EPHA6: variants seen among roughly 807,000 people sequenced by gnomAD.
EPHA6 encodes the protein ephrin type-A receptor 6.
EPHA6 carries 50 observed loss-of-function variants against 112.0 expected under a neutral mutation model. The ratio of observed to expected loss-of-function variants is 0.45; its 90% confidence interval spans 0.36 to 0.56. EPHA6 has a LOEUF of 0.56. EPHA6 is among the 20% of genes least tolerant of loss of function. The pLI, the probability that EPHA6 is intolerant of heterozygous loss-of-function variation, is 0.00. For synonymous variants in EPHA6, 529 were observed against 490.7 expected (o/e 1.08, Z -1.03); for missense variants, 1,280 against 1,417.4 (o/e 0.90, Z 1.56).
At chr3:96,840,996 A>G (rs2034710879) in intron 1 of EPHA6, among the ~76,000 whole-genome samples, 1 of 152,032 alleles carries the variant, frequency 6.6e-6, no homozygotes, top group African/African-American at 2.4e-5. Context: ...AATTTTGCCA[A>G]GGTTGAGGAC....
chr3:97,494,083 G>A (rs1347306121), intron 10 of EPHA6, among the ~76,000 whole-genome samples: 3 of 152,148 alleles, frequency 2.0e-5, no homozygotes, highest in Non-Finnish European at 4.4e-5. Context: ...CCTATTATGG[G>A]TTATCTTTGT....
chr3:96,879,255 T>G (rs895008018), intron 2 of EPHA6, among the ~76,000 whole-genome samples: 1 of 152,100 alleles, frequency 6.6e-6, no homozygotes, highest in Non-Finnish European at 1.5e-5. Flanking sequence ...TTTATGAACA[T>G]AATGCTGGAT....
chr3:97,740,038 T>C (rs771195577), intron 16 of EPHA6, among the ~76,000 whole-genome samples: 2 of 152,008 alleles, frequency 1.3e-5, no homozygotes, highest in Admixed American at 1.3e-4. Flanking sequence ...AACACCTTTT[T>C]CTCCCTCTCC....
intron 3 of EPHA6, among the ~76,000 whole-genome samples, chr3:97,071,824 C>T (rs934651930): frequency 3.3e-5 from 5 of 151,944 alleles, no homozygotes; most frequent in African/African-American, 9.7e-5. Flanking sequence ...ACCGATCACC[C>T]GAGCTCTATA....
At position 96,983,358 on chromosome 3, in the gene EPHA6, T is replaced by G. The variant is rs2042887492; in HGVS notation, c.451-3972T>G. 1.3e-5 allele frequency among the ~76,000 whole-genome samples: 2 copies of G among 152,324 alleles called. 1 individual carries two copies. Among genetic ancestry groups the G allele is most frequent in the African/African-American group, 4.8e-5 (2 of 41,574 alleles). On this transcript the variant is annotated intron_variant, in intron 2 of 17. Transcript: ENST00000389672. ...AAATTCTGGGTTGTAAATTCTTTTC[T>G]TTTAGAATGTTGAATATTGGCCCCC...
intron 9 of EPHA6, among the ~76,000 whole-genome samples, chr3:97,479,934 A>ATCCACC (rs1034068328): frequency 2.0e-5 from 3 of 152,086 alleles, no homozygotes; most frequent in Non-Finnish European, 2.9e-5. Context: ...CCTCCTCAAC[A>ATCCACC]TCCACCTCCA....
intron 5 of EPHA6, among the ~76,000 whole-genome samples, chr3:97,347,572 A>G (rs2083595118): frequency 6.6e-6 from 1 of 152,088 alleles, no homozygotes; most frequent in Admixed American, 6.6e-5. Context: ...AAGTGACTCC[A>G]ATGAACATGA....
At position 97,197,297 on chromosome 3, in the gene EPHA6, G is replaced by A. The variant is rs552699451; in HGVS notation, c.1115-28967G>A. Reference sequence around the variant, plus strand: ...GTACTGGGTCACATCTGAAGTCAGCGTGGCCCTGGATCTCACCCAATGCCT... The same window carrying A: ...GTACTGGGTCACATCTGAAGTCAGCATGGCCCTGGATCTCACCCAATGCCT... On this transcript the variant is annotated intron_variant, in intron 3 of 17. Coordinates refer to ENST00000389672, the MANE Select transcript of EPHA6 (RefSeq NM_001080448.3). Among the ~76,000 whole-genome samples the A allele has an allele frequency of 2.0e-4, 30 of 152,012 alleles. No individual in the cohort carries two copies. In the South Asian group the frequency reaches 5.0e-3, roughly 25 times the overall value.
At chr3:97,567,343 T>G (rs909551056) in intron 11 of EPHA6, among the ~76,000 whole-genome samples, 2 of 152,142 alleles carry the variant, frequency 1.3e-5, no homozygotes, top group African/African-American at 4.8e-5. Context: ...GCCTGCCACA[T>G]TGCACAACTT....
chr3:97,287,120 T>G (rs571274002), intron 5 of EPHA6, among the ~76,000 whole-genome samples: 322 of 152,320 alleles, frequency 2.1e-3, no homozygotes, highest in Admixed American at 3.5e-3. Flanking sequence ...TGAATTTATT[T>G]ATCAGGTCTA....
intron 4 of EPHA6, among the ~76,000 whole-genome samples, chr3:97,228,788 G>A (rs1473090850): frequency 2.0e-5 from 3 of 152,040 alleles, no homozygotes; most frequent in Non-Finnish European, 2.9e-5. Context: ...GTTCTTTAAG[G>A]AATCTCCATA....
intron 2 of EPHA6, among the ~76,000 whole-genome samples, chr3:96,893,170 C>G (rs1005848214): frequency 3.6e-4 from 54 of 152,076 alleles, no homozygotes; most frequent in African/African-American, 1.3e-3. Flanking sequence ...ACCTACTGCG[C>G]TGCTAGTCAT....
intron 11 of EPHA6, 115 bp from the exon 12 acceptor site, chr3:97,592,497 T>C (rs1390871540): frequency 1.6e-6 from 2 of 1,252,974 alleles, no homozygotes; most frequent in Non-Finnish European, 2.2e-6. Context: ...TTTAATTTTA[T>C]AACTTCTTCG....
Position 96,957,123 on chromosome 3 carries a change from G to A in EPHA6, c.451-30207G>A, listed in dbSNP as rs190756443. Among the ~76,000 whole-genome samples, 62 of 151,924 alleles carry A rather than the reference G, an allele frequency of 4.1e-4. No homozygotes were observed. In the Middle Eastern group the frequency reaches 0.017, roughly 42 times the overall value. On this transcript the variant is annotated intron_variant, in intron 2 of 17. Coordinates refer to ENST00000389672, the MANE Select transcript of EPHA6 (RefSeq NM_001080448.3). ...TTACAGACTTAACTGAAAGTATATT[G>A]AACAAAGCAGGAATGTGCTGAGTGA...
At chr3:96,917,517 A>G (rs1347899972) in intron 2 of EPHA6, among the ~76,000 whole-genome samples, 1 of 152,028 alleles carries the variant, frequency 6.6e-6, no homozygotes, top group Non-Finnish European at 1.5e-5. Context: ...GTGGAAAAAA[A>G]ATAAGCTTCC....
At chr3:97,008,801 C>G (rs2043977157) in intron 3 of EPHA6, among the ~76,000 whole-genome samples, 1 of 151,970 alleles carries the variant, frequency 6.6e-6, no homozygotes, top group Non-Finnish European at 1.5e-5. Context: ...TATGGGGGCC[C>G]TTTTGTTGTT....
rs144583739 is a variant in EPHA6 at position 97,657,733 on chromosome 3, G to T, written c.2784+19651G>T. Among the ~76,000 whole-genome samples the T allele has an allele frequency of 4.5e-3, 685 of 151,848 alleles. 3 individuals are homozygous for T. The Middle Eastern group carries it at 0.058, about 13-fold the overall frequency. On this transcript the variant is annotated intron_variant, in intron 14 of 17. Coordinates refer to ENST00000389672, the MANE Select transcript of EPHA6 (RefSeq NM_001080448.3). ...GACTAACAGCCTAGGAGTCACCAGA[G>T]ACACTTATTGAAAAATGCAGATTTC...
intron 3 of EPHA6, among the ~76,000 whole-genome samples, chr3:97,138,398 A>G (rs2075815318): frequency 6.6e-6 from 1 of 152,142 alleles, no homozygotes; most frequent in Admixed American, 6.6e-5. Flanking sequence ...ATGCACCTCA[A>G]AGACAGCTTC....
intron 2 of EPHA6, among the ~76,000 whole-genome samples, chr3:96,935,321 G>A (rs564036223): frequency 5.3e-5 from 8 of 151,708 alleles, no homozygotes; most frequent in African/African-American, 1.9e-4. Flanking sequence ...AATTAAGAAT[G>A]ATATATTATT....
Sources: allele counts gnomAD v4.1 joint callset (sites outside exome capture counted in the v4.1 genomes callset), GRCh38; gene constraint gnomAD v4.1.1; transcripts MANE v1.5; gene names NCBI Gene and HGNC (gene_info 2026-07-23, HGNC 2026-07-21).